The following HCRTR2 variants were observed in gnomAD, a reference collection of about 807,000 sequenced individuals.
HCRTR2 encodes the protein orexin receptor type 2.
Under a neutral mutation model 49.0 loss-of-function variants are expected in HCRTR2, and 22 were observed. That is an observed-to-expected ratio of 0.45 (90% CI 0.32 to 0.64). HCRTR2 has a LOEUF of 0.64. Among genes scored for constraint, HCRTR2 ranks in the 30% least tolerant of loss-of-function variants. The probability of loss-of-function intolerance (pLI) is 0.04; values close to 1 mark genes in which losing one functional copy is unlikely to be tolerated. For synonymous variants in HCRTR2, 236 were observed against 205.3 expected, an observed-to-expected ratio of 1.15 and a Z score of -1.28; for missense variants, 491 against 559.4, an observed-to-expected ratio of 0.88 and a Z score of 1.23.
intron 2 of HCRTR2, among the ~76,000 whole-genome samples, chr6:55,254,253 G>T (rs1457104843): frequency 6.6e-6 from 1 of 151,892 alleles, no homozygotes; most frequent in East Asian, 1.9e-4. Flanking sequence ...AAATGTAAAA[G>T]AAATCAGAAG....
rs552742547 is a variant in HCRTR2 at position 55,138,981 on chromosome 6, T to G, written c.-378+32436T>G. Among the ~76,000 whole-genome samples, 3 of 152,322 alleles carry G rather than the reference T, an allele frequency of 2.0e-5. No individual in the cohort carries two copies. The East Asian group carries it at 5.8e-4, about 29-fold the overall frequency. On this transcript the variant is annotated intron_variant, in intron 1 of 7. Transcript: ENST00000615358. ...GAAGCCCTCTCTGAGGAGTTGGTAG[T>G]AAGCAGAGACCTAAATCACTCAGCC... is the stretch of plus-strand genomic sequence containing the variant.
chr6:55,236,745 G>T (rs1464299050), intron 1 of HCRTR2, among the ~76,000 whole-genome samples: 1 of 151,958 alleles, frequency 6.6e-6, no homozygotes, highest in Non-Finnish European at 1.5e-5. Context: ...TGGTTTTTCA[G>T]CAGTTTTATG....
At chr6:55,243,565 T>C (rs187750014) in intron 1 of HCRTR2, among the ~76,000 whole-genome samples, 32 of 152,296 alleles carry the variant, frequency 2.1e-4, no homozygotes, top group Middle Eastern at 3.4e-3. Flanking sequence ...GCCTTTTTTC[T>C]CCTTTTAAAG....
Position 55,282,579 on chromosome 6 carries a change from C to A in HCRTR2, c.*125C>A. The A allele has an allele frequency of 1.6e-6, 1 of 635,214 alleles. No homozygotes were observed. Among genetic ancestry groups the A allele is most frequent in the Non-Finnish European group, 2.7e-6 (1 of 364,060 alleles). The allele number at this position is 635,214 out of a possible 1,614,324, so 39.3% of individuals were successfully genotyped here. On this transcript the variant is annotated 3_prime_UTR_variant, in exon 7 of 7. Coordinates refer to ENST00000370862, the MANE Select transcript of HCRTR2 (RefSeq NM_001384272.1). ...CTTGTGGATCTTTTTTTTTTTTAAT[C>A]TATTGCTCTTTGGAAATAAAAAAAA...
intron 1 of HCRTR2, among the ~76,000 whole-genome samples, chr6:55,124,643 G>A (rs111338120): frequency 2.0e-4 from 31 of 152,156 alleles, no homozygotes; most frequent in African/African-American, 7.2e-4. Flanking sequence ...GTCCAGAGCT[G>A]AGTTCAAGTC....
chr6:55,178,879 T>A (rs902949637), intron 1 of HCRTR2, among the ~76,000 whole-genome samples: 3 of 152,210 alleles, frequency 2.0e-5, no homozygotes, highest in African/African-American at 7.2e-5. Context: ...CCCATTCATT[T>A]AGAGTTTTTG....
intron 1 of HCRTR2, among the ~76,000 whole-genome samples, chr6:55,226,003 T>C (rs1323119913): frequency 2.0e-5 from 3 of 152,208 alleles, no homozygotes; most frequent in Non-Finnish European, 2.9e-5. Context: ...GCTTCCTCCC[T>C]AGTTGGGCAT....
At chr6:55,110,890 C>T (rs1421355821) in intron 1 of HCRTR2, among the ~76,000 whole-genome samples, 1 of 152,014 alleles carries the variant, frequency 6.6e-6, no homozygotes, top group Non-Finnish European at 1.5e-5. Flanking sequence ...CAGACATTTA[C>T]AGAACATCCC....
chr6:55,112,538 A>T (rs1764062805), intron 1 of HCRTR2, among the ~76,000 whole-genome samples: 1 of 147,050 alleles, frequency 6.8e-6, no homozygotes, highest in South Asian at 2.1e-4. Context: ...AACCCCTTTT[A>T]CAATAGCTGC....
intron 1 of HCRTR2, among the ~76,000 whole-genome samples, chr6:55,117,627 G>A (rs1473471366): frequency 6.6e-6 from 1 of 150,930 alleles, no homozygotes; most frequent in Non-Finnish European, 1.5e-5. Flanking sequence ...TCACCCTATT[G>A]TGCTCTCTTT....
At chr6:55,179,898 A>T (rs969108980) in intron 1 of HCRTR2, among the ~76,000 whole-genome samples, 1 of 150,802 alleles carries the variant, frequency 6.6e-6, no homozygotes, top group Non-Finnish European at 1.5e-5. Flanking sequence ...TCCACTGCTG[A>T]TGTTATTTAA....
downstream of HCRTR2, among the ~76,000 whole-genome samples, chr6:55,283,311 A>G (rs1428493928): frequency 1.3e-5 from 2 of 152,202 alleles, no homozygotes; most frequent in African/African-American, 4.8e-5. Context: ...TGAGGGAGAC[A>G]TGTTGACAGA....
Position 55,116,716 on chromosome 6 carries a change from A to AGAGAG in HCRTR2, c.-378+10171_-378+10172insGAGAG, listed in dbSNP as rs1554165894. ...TGAACAGTACTGTAAAGAGAGAGAG[A>AGAGAG]AAAAAAAAAAAACTCTTATTCCAGT... On this transcript the variant is annotated intron_variant, in intron 1 of 7. Coordinates refer to the HCRTR2 transcript ENST00000615358. 1.5e-3 allele frequency among the ~76,000 whole-genome samples: 170 copies of AGAGAG among 112,986 alleles called. 2 individuals carry two copies. The highest frequency in any genetic ancestry group is 3.0e-3 in the African/African-American group (85 of 28,404). 74.1% of individuals were successfully genotyped at this position (112,986 alleles called of 152,430 possible). A position where few individuals can be genotyped will look rare whatever the true frequency, so the allele number is the denominator to read the frequency against.
chr6:55,200,154 C>A (rs77194898), intron 1 of HCRTR2, among the ~76,000 whole-genome samples: 1,872 of 151,564 alleles, frequency 0.012, 38 homozygotes, highest in African/African-American at 0.043. Flanking sequence ...ATCTAGAAAT[C>A]TTTCACTATA....
At chr6:55,204,540 G>T (rs1048565043) in intron 1 of HCRTR2, among the ~76,000 whole-genome samples, 1 of 152,150 alleles carries the variant, frequency 6.6e-6, no homozygotes, top group Non-Finnish European at 1.5e-5. Flanking sequence ...GGTGATGTAG[G>T]ACAGAGCCTG....
chr6:55,126,714 A>G (rs1466760803), intron 1 of HCRTR2, among the ~76,000 whole-genome samples: 1 of 80,032 alleles, frequency 1.2e-5, no homozygotes, highest in Non-Finnish European at 3.5e-5. Flanking sequence ...TCCCAGGGAG[A>G]TGGCGTTTTA....
intron 4 of HCRTR2, among the ~76,000 whole-genome samples, chr6:55,267,375 T>C (rs1049392192): frequency 1.3e-5 from 2 of 151,498 alleles, no homozygotes; most frequent in African/African-American, 2.4e-5. Flanking sequence ...AATGCATTGC[T>C]GTGAACTACT....
At chr6:55,232,377 T>C (rs918112893) in intron 1 of HCRTR2, among the ~76,000 whole-genome samples, 1 of 152,218 alleles carries the variant, frequency 6.6e-6, no homozygotes, top group Non-Finnish European at 1.5e-5. Flanking sequence ...ATGCCATTGC[T>C]CTTGTTGTCC....
chr6:55,225,544 T>C (rs939049800), intron 1 of HCRTR2, among the ~76,000 whole-genome samples: 2 of 152,196 alleles, frequency 1.3e-5, no homozygotes, highest in African/African-American at 2.4e-5. Context: ...GATTCTAATA[T>C]AATCTGTGCC....
Sources: allele counts gnomAD v4.1 joint callset (sites outside exome capture counted in the v4.1 genomes callset), GRCh38; gene constraint gnomAD v4.1.1; transcripts MANE v1.5; gene names NCBI Gene and HGNC (gene_info 2026-07-23, HGNC 2026-07-21).